The following NOVA1 variants were observed in gnomAD, a reference collection of about 807,000 sequenced individuals.
NOVA1 encodes the protein RNA-binding protein Nova-1.
NOVA1 carries 7 observed loss-of-function variants against 38.0 expected under a neutral mutation model. The observed-to-expected ratio is 0.18, with a 90% CI of 0.10 to 0.35. NOVA1 has a LOEUF of 0.35. NOVA1 is among the 10% of genes least tolerant of loss of function. NOVA1 has a pLI of 1.00. For synonymous variants in NOVA1, 270 were observed against 232.5 expected (o/e 1.16, Z -1.47); for missense variants, 460 against 616.0 (o/e 0.75, Z 2.68).
chr14:26,476,968 G>C (rs1885035623), intron 3 of NOVA1, among the ~76,000 whole-genome samples: 1 of 147,882 alleles, frequency 6.8e-6, no homozygotes, highest in Non-Finnish European at 1.5e-5. Flanking sequence ...GCTCGCCTCA[G>C]TCTCCCAAAG....
At chr14:26,551,215 A>G (rs1006901764) in intron 2 of NOVA1, among the ~76,000 whole-genome samples, 2 of 152,042 alleles carry the variant, frequency 1.3e-5, no homozygotes, top group African/African-American at 4.8e-5. Context: ...AGCAGAATTA[A>G]TCCTTCTAAA....
intron 2 of NOVA1, among the ~76,000 whole-genome samples, chr14:26,565,097 T>C (rs943932544): frequency 2.6e-5 from 4 of 152,084 alleles, no homozygotes; most frequent in Admixed American, 6.5e-5. Context: ...TCCTGTAAAT[T>C]TGAAAAAGAC....
intron 2 of NOVA1, among the ~76,000 whole-genome samples, chr14:26,576,221 G>T (rs1014966250): frequency 6.6e-6 from 1 of 151,744 alleles, no homozygotes; most frequent in Non-Finnish European, 1.5e-5. Context: ...TTCTAAGAAT[G>T]ATAGATTTTA....
chr14:26,551,392 A>T (rs1753411834), intron 2 of NOVA1, among the ~76,000 whole-genome samples: 1 of 152,092 alleles, frequency 6.6e-6, no homozygotes, highest in South Asian at 2.1e-4. Flanking sequence ...GCTACCTCAA[A>T]TAACTTTGGG....
intron 2 of NOVA1, among the ~76,000 whole-genome samples, chr14:26,515,731 C>T (rs1288701316): frequency 2.0e-5 from 3 of 151,958 alleles, no homozygotes; most frequent in African/African-American, 4.8e-5. Context: ...TTTTCAACTA[C>T]AATTATTGTA....
chr14:26,541,956 T>C (rs1248666564), intron 2 of NOVA1, among the ~76,000 whole-genome samples: 1 of 151,908 alleles, frequency 6.6e-6, no homozygotes, highest in Non-Finnish European at 1.5e-5. Context: ...GATTCTGAGA[T>C]CTGCCATCTA....
chr14:26,518,674 C>T (rs1888654011), intron 2 of NOVA1, among the ~76,000 whole-genome samples: 1 of 151,976 alleles, frequency 6.6e-6, no homozygotes, highest in Non-Finnish European at 1.5e-5. Context: ...ATCCTCTATT[C>T]CAGTTATTTT....
intron 2 of NOVA1, among the ~76,000 whole-genome samples, chr14:26,591,043 C>T (rs960749326): frequency 4.0e-5 from 6 of 151,490 alleles, no homozygotes; most frequent in African/African-American, 9.7e-5. Flanking sequence ...ACACAAGATA[C>T]GAATAAAATT....
intron 2 of NOVA1, among the ~76,000 whole-genome samples, chr14:26,589,683 T>A (rs1459696346): frequency 6.6e-6 from 1 of 151,846 alleles, no homozygotes; most frequent in East Asian, 1.9e-4. Context: ...CACTCACTCA[T>A]GTTTTACATA....
intron 2 of NOVA1, among the ~76,000 whole-genome samples, chr14:26,586,046 ATTAAACAATTGCGCTGTATG>A (rs1366843408): frequency 1.3e-5 from 2 of 151,334 alleles, no homozygotes; most frequent in Non-Finnish European, 3.0e-5. Context: ...GCCACCTATG[ATTAAACAATTGCGCTGTATG>A]TTAAACACAC....
chr14:26,502,939 G>GT (rs1051959250), intron 2 of NOVA1, among the ~76,000 whole-genome samples: 12 of 151,972 alleles, frequency 7.9e-5, no homozygotes, highest in Non-Finnish European at 1.5e-4. Context: ...GTTCTTCATA[G>GT]TTGTTTTTTC....
intron 4 of NOVA1, among the ~76,000 whole-genome samples, chr14:26,451,553 T>C (rs1393012914): frequency 6.6e-6 from 1 of 152,054 alleles, no homozygotes; most frequent in Non-Finnish European, 1.5e-5. Flanking sequence ...ATTCTTTTAG[T>C]AGAGATGGGG....
chr14:26,557,310 C>T (rs938921679), intron 2 of NOVA1, among the ~76,000 whole-genome samples: 2 of 152,220 alleles, frequency 1.3e-5, no homozygotes, highest in Non-Finnish European at 2.9e-5. Flanking sequence ...GCTGACATCA[C>T]CATATGTTGG....
chr14:26,453,976 C>A (rs541887183), intron 4 of NOVA1, among the ~76,000 whole-genome samples: 25 of 152,078 alleles, frequency 1.6e-4, no homozygotes, highest in Non-Finnish European at 3.5e-4. Context: ...GGCAACAGAG[C>A]CCCTGTTTTC....
At chr14:26,479,345 C>T (rs1319857639) in intron 3 of NOVA1, 2 of 151,974 alleles carry the variant, frequency 1.3e-5, no homozygotes, top group African/African-American at 2.4e-5. Flanking sequence ...ATCTTAAAAA[C>T]TCACATCAGT....
chr14:26,576,739 C>T (rs1892871226), intron 2 of NOVA1, among the ~76,000 whole-genome samples: 1 of 151,282 alleles, frequency 6.6e-6, no homozygotes, highest in Admixed American at 6.6e-5. Context: ...ACTCCTCTTG[C>T]CTCCTTTTTT....
chr14:26,448,213 C>G lies in NOVA1; in HGVS notation c.1270G>C (p.Val424Leu). The change falls in exon 5 of 5, where the codon GTT becomes CTT. Residue 424 changes from valine (V) to leucine (L), a missense_variant. By Grantham distance (32) the Val-to-Leu change is conservative. Coordinates refer to ENST00000539517, the MANE Select transcript of NOVA1 (RefSeq NM_002515.3). The surrounding 1 kb of genome is among the most constrained non-coding windows in gnomAD (Gnocchi z 5.3). ...EKSTDGSKDVVEIAVPENLVG... is the reference protein window; with the variant it reads ...EKSTDGSKDVLEIAVPENLVG... ...AAGTTTTCTGGCACTGCTATTTCAA[C>G]TACATCCTTGGATCCATCTGTGGAC... 1.2e-6 allele frequency: 2 copies of G among 1,614,232 alleles called. No individual in the cohort carries two copies. Among genetic ancestry groups the G allele is most frequent in the African/African-American group, 1.3e-5 (1 of 75,070 alleles).
Position 26,514,148 on chromosome 14 carries a change from T to C in NOVA1, c.281-34005A>G, listed in dbSNP as rs185976207. On this transcript the variant is annotated intron_variant, in intron 2 of 4. Coordinates refer to ENST00000539517, the MANE Select transcript of NOVA1 (RefSeq NM_002515.3). ...TTGATCACATTTAACATTAGATAAA[T>C]ACTTAACCAAATTATATCAAAATCA... Among the ~76,000 whole-genome samples the C allele has an allele frequency of 9.4e-4, 142 of 151,840 alleles. 2 individuals are homozygous for C. Among genetic ancestry groups the C allele is most frequent in the Non-Finnish European group, 2.1e-4 (14 of 67,678 alleles).
At chr14:26,526,267 T>C (rs1356501613) in intron 2 of NOVA1, among the ~76,000 whole-genome samples, 1 of 152,204 alleles carries the variant, frequency 6.6e-6, no homozygotes, top group Admixed American at 6.5e-5. Context: ...TGTAATTTAT[T>C]GATGACTAAC....
Sources: allele counts gnomAD v4.1 joint callset (sites outside exome capture counted in the v4.1 genomes callset), GRCh38; gene constraint gnomAD v4.1.1; non-coding constraint Gnocchi (gnomAD v3.1); transcripts MANE v1.5; gene names NCBI Gene and HGNC (gene_info 2026-07-23, HGNC 2026-07-21).